LOC400499: variants seen among roughly 807,000 people sequenced by gnomAD.
chr16:11,400,418 A>G, the LOC400499 span, among the ~76,000 whole-genome samples: 118,578 of 136,964 alleles, frequency 0.87, 50,217 homozygotes, highest in Admixed American at 0.91. Context: ...CCACCCACCC[A>G]GTCACGCTCA....
chr16:11,469,984 C>T, the LOC400499 span, among the ~76,000 whole-genome samples: 7 of 152,194 alleles, frequency 4.6e-5, no homozygotes, highest in African/African-American at 1.7e-4. Context: ...CTCACTGCAG[C>T]CTCTGCCTCC....
chr16:11,462,382 C>G, the LOC400499 span: 1 of 1,396,390 alleles, frequency 7.2e-7, no homozygotes, highest in Non-Finnish European at 9.3e-7. Context: ...TGGGACCAGA[C>G]AGGGCAGGAG....
At chr16:11,450,637 A>G in the LOC400499 span, 1 of 1,535,942 alleles carries the variant, frequency 6.5e-7, no homozygotes, top group Non-Finnish European at 8.7e-7. Flanking sequence ...TGCGGTGTAA[A>G]CCTGGATCTT....
chr16:11,385,854 G>A, the LOC400499 span, among the ~76,000 whole-genome samples: 1 of 152,166 alleles, frequency 6.6e-6, no homozygotes, highest in Non-Finnish European at 1.5e-5. Context: ...GAATAAATTA[G>A]AAGCCACTGA....
At chr16:11,459,282 C>A in the LOC400499 span, among the ~76,000 whole-genome samples, 3 of 149,374 alleles carry the variant, frequency 2.0e-5, no homozygotes, top group East Asian at 6.1e-4. Flanking sequence ...CTGCAAGCTC[C>A]GCCTCTGGGG....
the LOC400499 span, among the ~76,000 whole-genome samples, chr16:11,481,515 G>A: frequency 1.3e-5 from 2 of 152,162 alleles, no homozygotes; most frequent in Non-Finnish European, 2.9e-5. Context: ...TAGAGACGGG[G>A]TTTCACCATG....
At chr16:11,487,165 C>A in the LOC400499 span, 1 of 397,776 alleles carries the variant, frequency 2.5e-6, no homozygotes, top group East Asian at 3.6e-5. Context: ...ACAATGGAGG[C>A]AAGGGATGGA....
chr16:11,447,148 T>A, the LOC400499 span, among the ~76,000 whole-genome samples: 2 of 152,226 alleles, frequency 1.3e-5, no homozygotes, highest in East Asian at 1.9e-4. Flanking sequence ...CCGTCGCCAT[T>A]TGACAGCAAA....
the LOC400499 span, among the ~76,000 whole-genome samples, chr16:11,492,056 C>T: frequency 5.5e-3 from 830 of 152,264 alleles, 2 homozygotes; most frequent in Non-Finnish European, 9.6e-3. Context: ...CCAGTCTCTA[C>T]CAGCCCCAGC....
the LOC400499 span, among the ~76,000 whole-genome samples, chr16:11,484,101 G>A: frequency 4.4e-5 from 6 of 137,354 alleles, no homozygotes; most frequent in African/African-American, 1.1e-4. Context: ...TCCGCCTCCC[G>A]AGTTCACACC....
the LOC400499 span, among the ~76,000 whole-genome samples, chr16:11,421,674 G>A: frequency 1.3e-5 from 2 of 152,196 alleles, no homozygotes; most frequent in African/African-American, 4.8e-5. Flanking sequence ...AAAGTATTGG[G>A]ATATACGACA....
At chr16:11,458,557 G>A in the LOC400499 span, among the ~76,000 whole-genome samples, 1 of 151,768 alleles carries the variant, frequency 6.6e-6, no homozygotes, top group South Asian at 2.1e-4. Context: ...GTGTTAGCTA[G>A]AGTAGTCAAA....
At chr16:11,462,504 G>A in the LOC400499 span, 1,083 of 884,410 alleles carry the variant, frequency 1.2e-3, 8 homozygotes, top group African/African-American at 0.018. Flanking sequence ...ATCCTGGCTC[G>A]CTGCAACCTC....
the LOC400499 span, among the ~76,000 whole-genome samples, chr16:11,510,419 G>C: frequency 3.3e-5 from 5 of 151,756 alleles, no homozygotes; most frequent in Admixed American, 1.3e-4. Flanking sequence ...TTTCCGCCCT[G>C]AATGCTCTTT....
chr16:11,485,012 A>C, the LOC400499 span: 4 of 398,950 alleles, frequency 1.0e-5, no homozygotes, highest in African/African-American at 4.1e-5. Flanking sequence ...CTGACCCCAG[A>C]ATGACTTCCT....
the LOC400499 span, among the ~76,000 whole-genome samples, chr16:11,487,030 C>T: frequency 2.0e-5 from 3 of 151,300 alleles, no homozygotes; most frequent in African/African-American, 7.3e-5. Flanking sequence ...GACAGATGAG[C>T]AGGTCAGTGG....
chr16:11,497,730 G>A, the LOC400499 span, among the ~76,000 whole-genome samples: 2 of 152,176 alleles, frequency 1.3e-5, no homozygotes, highest in East Asian at 3.9e-4. Flanking sequence ...TCTGTGTATG[G>A]CTGCCCGGGG....
the LOC400499 span, among the ~76,000 whole-genome samples, chr16:11,493,318 G>T: frequency 6.6e-6 from 1 of 152,228 alleles, no homozygotes; most frequent in East Asian, 1.9e-4. Context: ...AAGTGAGTGG[G>T]CATGCCTGTG....
chr16:11,391,297 A>T, the LOC400499 span, among the ~76,000 whole-genome samples: 1 of 152,270 alleles, frequency 6.6e-6, no homozygotes, highest in Non-Finnish European at 1.5e-5. Context: ...GCCTTTAATG[A>T]CCACCTGGCC....
Sources: allele counts gnomAD v4.1 joint callset (sites outside exome capture counted in the v4.1 genomes callset), GRCh38; gene constraint gnomAD v4.1.1; transcripts MANE v1.5.